Variants in EIF3L observed in about 807,000 individuals in gnomAD.
EIF3L encodes the protein eukaryotic translation initiation factor 3 subunit L, also known as eIEF associated protein HSPC021.
Under a neutral mutation model 74.6 loss-of-function variants are expected in EIF3L, and 32 were observed. That is an observed-to-expected ratio of 0.43 (90% CI 0.32 to 0.58). The LOEUF is 0.58. EIF3L is among the 20% of genes least tolerant of loss of function. EIF3L has a pLI of 0.06. For missense variants in EIF3L, 474 were observed against 707.8 expected (o/e 0.67, Z 3.75); for synonymous variants, 256 against 254.4 (o/e 1.01, Z -0.06).
intron 5 of EIF3L, among the ~76,000 whole-genome samples, chr22:37,860,177 T>C (rs1449558072): frequency 6.6e-6 from 1 of 152,176 alleles, no homozygotes; most frequent in Non-Finnish European, 1.5e-5. Context: ...TAAAACTGAA[T>C]TCTTATTTTC....
At chr22:37,865,098 T>A (rs1926078050) in intron 7 of EIF3L, among the ~76,000 whole-genome samples, 1 of 152,194 alleles carries the variant, frequency 6.6e-6, no homozygotes, top group African/African-American at 2.4e-5. Context: ...TGCTCACAAC[T>A]GTAATCCCAG....
In EIF3L at chr22:37,850,149, A is replaced by C. The variant is rs1341743457; in HGVS notation, c.82+86A>C. On this transcript the variant is annotated intron_variant, in intron 2 of 12. Coordinates refer to ENST00000652021, the MANE Select transcript of EIF3L (RefSeq NM_016091.4). ...AGAACCAGCTCTGACAGGCATCAAAAATTGCTCTTTGATGGTCCAGGTTTG... is the reference window on the plus strand; with the variant it reads ...AGAACCAGCTCTGACAGGCATCAAACATTGCTCTTTGATGGTCCAGGTTTG... 10 of 1,508,024 alleles carry C rather than the reference A, an allele frequency of 6.6e-6. No individual in the cohort carries two copies. In the East Asian group the frequency reaches 1.8e-4, roughly 28 times the overall value. 93.4% of individuals were successfully genotyped at this position (1,508,024 alleles called of 1,614,324 possible). A position where few individuals can be genotyped will look rare whatever the true frequency, so the allele number is the denominator to read the frequency against.
rs199910157 is a variant in EIF3L at position 37,888,460 on chromosome 22, C to T, written c.1691C>T (p.Pro564Leu). The change falls in exon 13 of 13, where the codon CCT becomes CTT. Residue 564 changes from proline to leucine, a missense_variant. Pro to Leu is a moderately conservative substitution (Grantham distance 98). Transcript: ENST00000652021. The part of the protein sequence containing the change: ...NRTLKKMGQR[P>L] Reference sequence around the variant, plus strand: ...ACCCTGAAGAAGATGGGACAGAGACCTTGATGATATTCACACACATTCAGG... The same window carrying T: ...ACCCTGAAGAAGATGGGACAGAGACTTTGATGATATTCACACACATTCAGG... The T allele has an allele frequency of 4.3e-6, 7 of 1,613,566 alleles. No homozygotes were observed. Among genetic ancestry groups the T allele is most frequent in the Non-Finnish European group, 5.1e-6 (6 of 1,179,982 alleles).
chr22:37,870,746 C>T (rs757710352), intron 8 of EIF3L, among the ~76,000 whole-genome samples: 1 of 151,580 alleles, frequency 6.6e-6, no homozygotes, highest in Non-Finnish European at 1.5e-5. Context: ...TTTTGCAGAT[C>T]TCTCTGTCTG....
At chr22:37,871,107 C>T (rs1926446279) in intron 8 of EIF3L, 5 of 151,282 alleles carry the variant, frequency 3.3e-5, no homozygotes, top group Admixed American at 3.3e-4. Flanking sequence ...TAGCCTGGGC[C>T]ACAGAGCGAG....
chr22:37,875,159 A>G (rs1314400823), intron 9 of EIF3L, among the ~76,000 whole-genome samples: 2 of 149,452 alleles, frequency 1.3e-5, no homozygotes, highest in Non-Finnish European at 1.5e-5. Context: ...ACTTGAGGTC[A>G]GGAGTTCGAG....
At chr22:37,855,314 T>A (rs1344871392) in intron 3 of EIF3L, among the ~76,000 whole-genome samples, 1 of 152,184 alleles carries the variant, frequency 6.6e-6, no homozygotes, top group Non-Finnish European at 1.5e-5. Flanking sequence ...TAGTTAATGA[T>A]ACAGAGGCAG....
chr22:37,877,665 C>T lies in EIF3L; in HGVS notation c.1078-9C>T. On this transcript the variant is annotated splice_polypyrimidine_tract_variant and intron_variant, in intron 10 of 12. Coordinates refer to ENST00000652021, the MANE Select transcript of EIF3L (RefSeq NM_016091.4). Reference sequence around the variant, plus strand: ...TTTGACCCAGTACCACTCTCCACCCCATCCCCAGATTAACAAGCAGAATGA... The same window carrying T: ...TTTGACCCAGTACCACTCTCCACCCTATCCCCAGATTAACAAGCAGAATGA... The T allele has an allele frequency of 1.3e-6, 2 of 1,585,132 alleles. No homozygotes were observed. The highest frequency in any genetic ancestry group is 1.7e-6 in the Non-Finnish European group (2 of 1,164,804).
chr22:37,849,702 C>T (rs1299743620), intron 1 of EIF3L: 16 of 614,848 alleles, frequency 2.6e-5, no homozygotes, highest in East Asian at 2.8e-5. Flanking sequence ...CTTTCTAAGA[C>T]CGGAGACTAA....
At position 37,888,525 on chromosome 22, in the gene EIF3L, TACCGTGAA is replaced by T. The variant is rs560332770; in HGVS notation, c.*65_*72del. On this transcript the variant is annotated 3_prime_UTR_variant, in exon 13 of 13. Coordinates refer to ENST00000652021, the MANE Select transcript of EIF3L (RefSeq NM_016091.4). ...TATTATAGGCAGGAAGTGTTTTTGC[TACCGTGAA>T]ACCTTTACCTAGATCAGCCATCAGC... 5.1e-6 allele frequency: 8 copies of T among 1,571,238 alleles called. No individual in the cohort carries two copies. The highest frequency in any genetic ancestry group is 6.1e-6 in the Non-Finnish European group (7 of 1,144,118).
At chr22:37,884,581 G>A (rs1445313086) in intron 11 of EIF3L, 2 of 152,110 alleles carry the variant, frequency 1.3e-5, no homozygotes, top group Admixed American at 1.3e-4. Context: ...AAACAGATTT[G>A]CCAAAAGTAA....
chr22:37,878,067 C>T lies in EIF3L; in HGVS notation c.1471C>T (p.Leu491Phe). The change falls in exon 11 of 13, where the codon CTT (leucine) becomes TTT (phenylalanine). Residue 491 changes from leucine to phenylalanine, a missense_variant. This residue lies in a region of EIF3L where 293 missense variants were observed against 469.1 expected (regional missense o/e 0.62). Coordinates refer to ENST00000652021, the MANE Select transcript of EIF3L (RefSeq NM_016091.4). Reference sequence around the variant, plus strand: ...AGAGCAGGAGTTCCGGATCCAGCTTCTTGTCTTCAAACACAAGATGAAGAA... The same window carrying T: ...AGAGCAGGAGTTCCGGATCCAGCTTTTTGTCTTCAAACACAAGATGAAGAA... ...LTEQEFRIQL[L>F]VFKHKMKNLV... 1 of 1,614,164 alleles carries T rather than the reference C, an allele frequency of 6.2e-7. No individual in the cohort carries two copies. Among genetic ancestry groups the T allele is most frequent in the Non-Finnish European group, 8.5e-7 (1 of 1,180,032 alleles).
At chr22:37,876,786 T>C (rs1408751667) in intron 10 of EIF3L, 1 of 152,152 alleles carries the variant, frequency 6.6e-6, no homozygotes, top group Non-Finnish European at 1.5e-5. Context: ...GTTCTAAATG[T>C]TTTGATATAA....
chr22:37,888,755 G>A lies in EIF3L; in HGVS notation c.*291G>A, dbSNP rs1002889717. ...TTAAATTGAGTTATTTTTATTTTGT[G>A]CTTTTGAGATGGAGTCTCACTCTGT... On this transcript the variant is annotated 3_prime_UTR_variant, in exon 13 of 13. Coordinates refer to ENST00000652021, the MANE Select transcript of EIF3L (RefSeq NM_016091.4). The A allele has an allele frequency of 2.4e-5, 9 of 367,602 alleles. No homozygotes were observed. The highest frequency in any genetic ancestry group is 4.4e-5 in the Non-Finnish European group (9 of 202,568). 22.8% of individuals were successfully genotyped at this position (367,602 alleles called of 1,614,324 possible). A position where few individuals can be genotyped will look rare whatever the true frequency, so the allele number is the denominator to read the frequency against.
intron 3 of EIF3L, 50 bp from the exon 4 acceptor site, chr22:37,855,515 G>A (rs971422200): frequency 2.6e-6 from 4 of 1,523,020 alleles, no homozygotes; most frequent in Non-Finnish European, 3.6e-6. Context: ...GTTAGGATTG[G>A]CATTCTCCAG....
intron 2 of EIF3L, chr22:37,850,563 T>A: frequency 5.2e-6 from 1 of 193,404 alleles, no homozygotes; most frequent in South Asian, 6.5e-5. Context: ...GGTCTTGAAC[T>A]CCTGACCTCA....
intron 4 of EIF3L, among the ~76,000 whole-genome samples, chr22:37,856,785 G>A (rs1039409462): frequency 3.3e-5 from 5 of 151,386 alleles, no homozygotes; most frequent in East Asian, 2.0e-4. Context: ...CAGAGGTTGC[G>A]GTGAGCCGAG....
chr22:37,883,316 A>T (rs1333745366), intron 11 of EIF3L: 1 of 155,554 alleles, frequency 6.4e-6, no homozygotes, highest in African/African-American at 2.4e-5. Flanking sequence ...AAAAAAAAAA[A>T]AACTTGCATG....
intron 2 of EIF3L, chr22:37,850,442 T>G (rs1305127242): frequency 4.4e-6 from 1 of 226,022 alleles, no homozygotes; most frequent in East Asian, 1.3e-4. Context: ...CAAGCAGTAG[T>G]TCTCTTGTCT....
Sources: gnomAD v4.1 joint callset for allele counts (sites outside exome capture counted in the v4.1 genomes callset) on GRCh38, gnomAD v4.1.1 for gene constraint, gnomAD v4.1.1 regional missense constraint, MANE v1.5 for transcripts, NCBI Gene and HGNC (gene_info 2026-07-23, HGNC 2026-07-21) for gene names.